The following GOSR2 variants were observed in gnomAD, a reference collection of about 807,000 sequenced individuals.
GOSR2 encodes the protein golgi SNAP receptor complex member 2, also known as 27 kDa Golgi SNARE protein.
A neutral mutation model predicts 27.9 loss-of-function variants in GOSR2; 20 were observed. That is an observed-to-expected ratio of 0.72 (90% CI 0.50 to 1.04). The LOEUF is 1.04. Ranked by LOEUF, GOSR2 falls within the 50% of genes least tolerant of loss-of-function variation. The probability of loss-of-function intolerance (pLI) is 0.00; values close to 1 mark genes in which losing one functional copy is unlikely to be tolerated. For missense variants in GOSR2, 261 were observed against 270.5 expected (o/e 0.97, Z 0.25); for synonymous variants, 91 against 98.8 (o/e 0.92, Z 0.47).
chr17:46,932,495 A>G, intron 4 of GOSR2: 1 of 593,064 alleles, frequency 1.7e-6, no homozygotes, highest in Non-Finnish European at 3.0e-6. Context: ...CACATGGTGG[A>G]AACGTTTTTC....
chr17:46,962,622 A>G (rs753191152), intron 6 of GOSR2, among the ~76,000 whole-genome samples: 9 of 152,230 alleles, frequency 5.9e-5, no homozygotes, highest in Non-Finnish European at 1.3e-4. Flanking sequence ...AGGAAATGCC[A>G]TGAGTTGATA....
rs914180711 is a variant in GOSR2 at position 46,929,135 on chromosome 17, G to A, written c.30-385G>A. Among the ~76,000 whole-genome samples the A allele has an allele frequency of 9.2e-5, 14 of 152,274 alleles. No individual in the cohort carries two copies. In the South Asian group the frequency reaches 1.2e-3, roughly 14 times the overall value. ...AGGCCAGTGCTTAGCACATTAGGTC[G>A]TAGAACAGAAAGTAGGATTGGCCGG... On this transcript the variant is annotated intron_variant, in intron 1 of 5. Coordinates refer to ENST00000640051, the MANE Select transcript of GOSR2 (RefSeq NM_004287.5).
intron 6 of GOSR2, among the ~76,000 whole-genome samples, chr17:46,950,924 C>T (rs1749591941): frequency 6.6e-6 from 1 of 152,154 alleles, no homozygotes; most frequent in Non-Finnish European, 1.5e-5. Context: ...GATCTGGAGT[C>T]AGAGGGGGAA....
intron 1 of GOSR2, 196 bp downstream of exon 1, chr17:46,923,417 G>A (rs764879964): frequency 2.3e-5 from 33 of 1,437,218 alleles, no homozygotes; most frequent in Non-Finnish European, 2.8e-5. Context: ...TTCAGGCTGG[G>A]GCCTGGAGAC....
intron 3 of GOSR2, 98 bp from the exon 4 acceptor site, chr17:46,931,969 G>T: frequency 1.9e-6 from 2 of 1,045,390 alleles, no homozygotes; most frequent in Non-Finnish European, 1.5e-6. Context: ...GTAGGGAGAA[G>T]TAAGGAAACG....
intron 3 of GOSR2, 62 bp downstream of exon 3, chr17:46,931,269 C>T: frequency 1.2e-6 from 1 of 845,690 alleles, no homozygotes; most frequent in Admixed American, 1.7e-5. Flanking sequence ...GCTTTTCTCC[C>T]TGGGGGAGGT....
chr17:46,961,413 T>C (rs538596597), intron 6 of GOSR2, among the ~76,000 whole-genome samples: 46 of 152,270 alleles, frequency 3.0e-4, no homozygotes, highest in Admixed American at 2.6e-3. Context: ...TGTGCATCTA[T>C]CGTCCCAGCT....
intron 6 of GOSR2, among the ~76,000 whole-genome samples, chr17:46,947,062 A>C (rs2089964532): frequency 6.6e-6 from 1 of 151,856 alleles, no homozygotes. Context: ...CTGGGTTTGG[A>C]GTGGATTGTG....
chr17:46,935,000 T>C lies in GOSR2; in HGVS notation c.337-29T>C. On this transcript the variant is annotated intron_variant, in intron 4 of 5. Transcript: ENST00000640051. Reference sequence around the variant, plus strand: ...CCCAGGAACTGACTGATAAGCAAAGTTAATCAAGTGCCTGTGTTTCTTTCA... The same window carrying C: ...CCCAGGAACTGACTGATAAGCAAAGCTAATCAAGTGCCTGTGTTTCTTTCA... The C allele has an allele frequency of 3.1e-6, 5 of 1,607,998 alleles. No homozygotes were observed. The South Asian group carries it at 5.5e-5, about 18-fold the overall frequency.
At chr17:46,948,596 G>A (rs2090099643) in intron 6 of GOSR2, 1 of 152,238 alleles carries the variant, frequency 6.6e-6, no homozygotes, top group African/African-American at 2.4e-5. Flanking sequence ...AAATGGGAAT[G>A]CTAATAATGG....
chr17:46,961,655 GATT>G (rs1358793423), intron 6 of GOSR2, among the ~76,000 whole-genome samples: 2 of 152,068 alleles, frequency 1.3e-5, no homozygotes, highest in South Asian at 2.1e-4. Context: ...TCTGTAAAAA[GATT>G]ATATTTTTTA....
At chr17:46,958,303 T>G (rs150051387) in intron 6 of GOSR2, among the ~76,000 whole-genome samples, 7 of 152,226 alleles carry the variant, frequency 4.6e-5, no homozygotes, top group African/African-American at 1.7e-4. Context: ...TGGGACACAT[T>G]TGCACAATAA....
intron 3 of GOSR2, 198 bp from the exon 4 acceptor site, chr17:46,931,869 C>G (rs780898212): frequency 3.9e-5 from 24 of 619,348 alleles, no homozygotes; most frequent in Non-Finnish European, 6.7e-5. Flanking sequence ...TGTGTGCTAC[C>G]ATCTCACTTT....
chr17:46,941,000 C>T lies in GOSR2; in HGVS notation c.*2240C>T, dbSNP rs2089195664. 2 of 1,138,628 alleles carry T rather than the reference C, an allele frequency of 1.8e-6. No homozygotes were observed. The highest frequency in any genetic ancestry group is 2.3e-5 in the South Asian group (1 of 44,266). The allele number at this position is 1,138,628 out of a possible 1,614,324, so 70.5% of individuals were successfully genotyped here. A position where few individuals can be genotyped will look rare whatever the true frequency, so the allele number is the denominator to read the frequency against. On this transcript the variant is annotated 3_prime_UTR_variant, in exon 6 of 6. Transcript: ENST00000640051. ...AGGGTCCAGGCCAGGGAAGGAGCAC[C>T]CTCTAGTGGAGGCGGGGGTGAATTC...
In GOSR2 at chr17:46,940,546, G is replaced by T. The variant is rs1372129726; in HGVS notation, c.*1786G>T. On this transcript the variant is annotated 3_prime_UTR_variant, in exon 6 of 6. Coordinates refer to ENST00000640051, the MANE Select transcript of GOSR2 (RefSeq NM_004287.5). ...GAGACTGCGACGGCAAGGCTGTCCTGTCCCCCAGGCACCCAAGGATCCTGC... is the reference window on the plus strand; with the variant it reads ...GAGACTGCGACGGCAAGGCTGTCCTTTCCCCCAGGCACCCAAGGATCCTGC... The T allele has an allele frequency of 3.1e-6, 5 of 1,614,018 alleles. No homozygotes were observed. Among genetic ancestry groups the T allele is most frequent in the Non-Finnish European group, 3.4e-6 (4 of 1,180,026 alleles).
chr17:46,943,909 C>G (rs1369252477), downstream of GOSR2, among the ~76,000 whole-genome samples: 1 of 152,172 alleles, frequency 6.6e-6, no homozygotes, highest in African/African-American at 2.4e-5. Flanking sequence ...ATCCCTCGGT[C>G]TGATGGTCAC....
At chr17:46,961,249 A>G (rs2091032159) in intron 6 of GOSR2, among the ~76,000 whole-genome samples, 1 of 152,232 alleles carries the variant, frequency 6.6e-6, no homozygotes, top group Non-Finnish European at 1.5e-5. Flanking sequence ...AGTAGAGACT[A>G]TGAAAGAAGT....
At chr17:46,966,358 A>G (rs974036294) in intron 6 of GOSR2, among the ~76,000 whole-genome samples, 5 of 152,128 alleles carry the variant, frequency 3.3e-5, no homozygotes, top group African/African-American at 4.8e-5. Flanking sequence ...ATCATGGCCC[A>G]TTGTGTGACC....
In GOSR2 at chr17:46,923,354, C is replaced by T. The variant is rs2085984115; in HGVS notation, c.29+133C>T. 8.6e-6 allele frequency: 13 copies of T among 1,506,562 alleles called. No individual in the cohort carries two copies. In the Middle Eastern group the frequency reaches 8.6e-4, roughly 100 times the overall value. 93.3% of individuals were successfully genotyped at this position (1,506,562 alleles called of 1,614,324 possible). A position where few individuals can be genotyped will look rare whatever the true frequency, so the allele number is the denominator to read the frequency against. ...TCCGCCAGGGCACTGCTGGGGATGC[C>T]TCCGAAGTGCTTAATCCTTGGCGGG... is the stretch of plus-strand genomic sequence containing the variant. On this transcript the variant is annotated intron_variant, in intron 1 of 5. Coordinates refer to ENST00000640051, the MANE Select transcript of GOSR2 (RefSeq NM_004287.5).
Sources: gnomAD v4.1 joint callset for allele counts (sites outside exome capture counted in the v4.1 genomes callset) on GRCh38, gnomAD v4.1.1 for gene constraint, MANE v1.5 for transcripts, NCBI Gene and HGNC (gene_info 2026-07-23, HGNC 2026-07-21) for gene names.